Variants in CFAP161 observed in about 807,000 individuals in gnomAD.
CFAP161 encodes cilia- and flagella-associated protein 161.
CFAP161 carries 25 observed loss-of-function variants against 29.0 expected under a neutral mutation model. That is an observed-to-expected ratio of 0.86 (90% CI 0.63 to 1.20). The LOEUF (loss-of-function observed/expected upper bound fraction) is 1.20, where lower values mean the gene tolerates loss of function less well. Ranked by LOEUF, CFAP161 falls within the 50% of genes most tolerant of loss-of-function variation. The pLI, the probability that CFAP161 is intolerant of heterozygous loss-of-function variation, is 0.00. For synonymous variants in CFAP161, 116 were observed against 137.4 expected (o/e 0.84, Z 1.09); for missense variants, 367 against 371.9 (o/e 0.99, Z 0.11).
upstream of CFAP161, among the ~76,000 whole-genome samples, chr15:81,129,882 T>C (rs182611276): frequency 3.6e-4 from 50 of 137,364 alleles, 4 homozygotes; most frequent in East Asian, 9.3e-3. Flanking sequence ...TTTGCCTACA[T>C]TGAAAATCAG....
chr15:81,113,435 G>A (rs147851564), intron 1 of CFAP161, among the ~76,000 whole-genome samples: 6 of 152,240 alleles, frequency 3.9e-5, no homozygotes, highest in Non-Finnish European at 5.9e-5. Context: ...AAAAGCGTTC[G>A]GTTTTACAAG....
chr15:81,122,303 T>C (rs1356322462), intron 1 of CFAP161, among the ~76,000 whole-genome samples: 1 of 152,166 alleles, frequency 6.6e-6, no homozygotes, highest in Non-Finnish European at 1.5e-5. Context: ...CCTTCTACAA[T>C]GGTTGAACTA....
intron 5 of CFAP161, among the ~76,000 whole-genome samples, chr15:81,145,537 T>C (rs1894991796): frequency 6.6e-6 from 1 of 152,204 alleles, no homozygotes; most frequent in African/African-American, 2.4e-5. Context: ...TTGCTGGTTT[T>C]TTTAAGAGGT....
chr15:81,109,736 G>A (rs746027085), intron 1 of CFAP161, among the ~76,000 whole-genome samples: 84 of 152,138 alleles, frequency 5.5e-4, no homozygotes, highest in Non-Finnish European at 2.1e-4. Context: ...CAATTGAGAT[G>A]TCTATGATGT....
At chr15:81,112,289 C>T (rs2141863814) in intron 1 of CFAP161, among the ~76,000 whole-genome samples, 1 of 152,110 alleles carries the variant, frequency 6.6e-6, no homozygotes, top group East Asian at 1.9e-4. Flanking sequence ...AGACAATAGC[C>T]TGTATTTATC....
At position 81,134,324 on chromosome 15, in the gene CFAP161, G is replaced by T; in HGVS notation, c.-6G>T. 6.3e-7 allele frequency: 1 copy of T among 1,584,164 alleles called. No homozygotes were observed. The highest frequency in any genetic ancestry group is 8.6e-7 in the Non-Finnish European group (1 of 1,165,910). On this transcript the variant is annotated 5_prime_UTR_variant, in exon 1 of 7. It introduces an in-frame stop codon into an upstream open reading frame of the 5' UTR. Transcript: ENST00000286732. ...GGGAGGCCCACTTGCTGAACAGCAG[G>T]GAGCGATGGCGCAGAACGTGTATGG...
At chr15:81,129,006 T>C (rs1894675814) in intron 2 of CFAP161, among the ~76,000 whole-genome samples, 1 of 152,098 alleles carries the variant, frequency 6.6e-6, no homozygotes, top group African/African-American at 2.4e-5. Context: ...AAGTTGAAAT[T>C]ACTTCTTGAT....
At chr15:81,137,092 G>A (rs1176951314) in intron 3 of CFAP161, among the ~76,000 whole-genome samples, 3 of 102,862 alleles carry the variant, frequency 2.9e-5, no homozygotes, top group Non-Finnish European at 4.6e-5. Context: ...TTCTTAATAC[G>A]GCTATTTTTT....
chr15:81,121,347 C>T (rs1336401147), intron 1 of CFAP161, among the ~76,000 whole-genome samples: 1 of 152,086 alleles, frequency 6.6e-6, no homozygotes, highest in Non-Finnish European at 1.5e-5. Context: ...TATAACTTTA[C>T]ATTTCTATCT....
intron 4 of CFAP161, among the ~76,000 whole-genome samples, chr15:81,138,966 G>A (rs1894858895): frequency 1.3e-5 from 2 of 152,140 alleles, no homozygotes; most frequent in South Asian, 4.1e-4. Flanking sequence ...ACTATATGAT[G>A]TAGCGTTATT....
At chr15:81,133,213 ATATATATATATGTATTTT>A (rs1467967019), upstream of CFAP161, among the ~76,000 whole-genome samples, 18 of 36,136 alleles carry the variant, frequency 5.0e-4, no homozygotes, top group East Asian at 3.7e-3. Flanking sequence ...ATATATATAT[ATATATATATATGTATTTT>A]TTTTTAAATT....
intron 1 of CFAP161, among the ~76,000 whole-genome samples, 161 bp from the exon 2 acceptor site, chr15:81,135,109 A>G (rs1018459586): frequency 2.6e-5 from 4 of 152,230 alleles, no homozygotes. Flanking sequence ...TAGTAAAAAT[A>G]TTAAAGTAGT....
Position 81,134,324 on chromosome 15 carries a change from G to A in CFAP161, c.-6G>A, listed in dbSNP as rs1395444693. The A allele has an allele frequency of 6.3e-7, 1 of 1,584,046 alleles. No individual in the cohort carries two copies. The highest frequency in any genetic ancestry group is 1.9e-5 in the Admixed American group (1 of 53,918). On this transcript the variant is annotated 5_prime_UTR_variant, in exon 1 of 7. Coordinates refer to ENST00000286732, the MANE Select transcript of CFAP161 (RefSeq NM_173528.4). Reference sequence around the variant, plus strand: ...GGGAGGCCCACTTGCTGAACAGCAGGGAGCGATGGCGCAGAACGTGTATGG... The same window carrying A: ...GGGAGGCCCACTTGCTGAACAGCAGAGAGCGATGGCGCAGAACGTGTATGG...
At chr15:81,111,237 C>A (rs762641789) in intron 1 of CFAP161, among the ~76,000 whole-genome samples, 18 of 152,190 alleles carry the variant, frequency 1.2e-4, no homozygotes, top group Non-Finnish European at 2.1e-4. Flanking sequence ...AGGCGGGGAC[C>A]ATGAGTATCT....
chr15:81,118,602 C>T (rs1480990797), intron 1 of CFAP161, among the ~76,000 whole-genome samples: 1 of 152,182 alleles, frequency 6.6e-6, no homozygotes, highest in African/African-American at 2.4e-5. Flanking sequence ...CGGGCAGTCG[C>T]GCTAAACCCG....
chr15:81,118,208 G>T, intron 1 of CFAP161: 1 of 483,502 alleles, frequency 2.1e-6, no homozygotes, highest in South Asian at 2.0e-5. Context: ...AATTTAGGCA[G>T]CTTGGGGAGA....
chr15:81,145,827 A>G (rs1894997254), intron 5 of CFAP161, among the ~76,000 whole-genome samples: 2 of 152,210 alleles, frequency 1.3e-5, no homozygotes, highest in African/African-American at 4.8e-5. Flanking sequence ...TAGGATGCTT[A>G]TAGAATTTGG....
At chr15:81,123,266 G>T (rs895233359) in intron 1 of CFAP161, among the ~76,000 whole-genome samples, 1 of 152,332 alleles carries the variant, frequency 6.6e-6, no homozygotes, top group South Asian at 2.1e-4. Context: ...TGGCTAGCTA[G>T]TTAGTTATCC....
chr15:81,116,388 G>A (rs1467846105), intron 1 of CFAP161, among the ~76,000 whole-genome samples: 1 of 152,210 alleles, frequency 6.6e-6, no homozygotes, highest in African/African-American at 2.4e-5. Flanking sequence ...CCGCCTCCTG[G>A]GTTCAAGTGA....
Sources: gnomAD v4.1 joint callset for allele counts (sites outside exome capture counted in the v4.1 genomes callset) on GRCh38, gnomAD v4.1.1 for gene constraint, MANE v1.5 for transcripts, NCBI Gene and HGNC (gene_info 2026-07-23, HGNC 2026-07-21) for gene names.